The following EFNA5 variants were observed in gnomAD, a reference collection of about 807,000 sequenced individuals.
The protein encoded by EFNA5 is ephrin-A5.
In EFNA5, 5 loss-of-function variants were observed where a neutral mutation model predicts 22.9. That is an observed-to-expected ratio of 0.22 (90% CI 0.11 to 0.46). The LOEUF is 0.46. Ranked by LOEUF, EFNA5 falls within the 20% of genes least tolerant of loss-of-function variation. EFNA5 has a pLI of 0.99. For missense variants in EFNA5, 237 were observed against 293.3 expected (o/e 0.81, Z 1.40); for synonymous variants, 113 against 112.2 (o/e 1.01, Z -0.04).
rs1482999993 is a variant in EFNA5 at position 107,647,495 on chromosome 5, GCT to G, written c.125+22992_125+22993del. Among the ~76,000 whole-genome samples the G allele has an allele frequency of 4.6e-5, 7 of 152,172 alleles. 1 individual carries two copies. The highest frequency in any genetic ancestry group is 1.7e-4 in the African/African-American group (7 of 41,538). ...ATTAGTAAAACAGACCTACTTTAAT[GCT>G]CATTCTGATAATCAAAAAATTTAAG... On this transcript the variant is annotated intron_variant, in intron 1 of 4. Transcript: ENST00000333274.
intron 1 of EFNA5, among the ~76,000 whole-genome samples, chr5:107,512,049 C>G (rs1392405253): frequency 1.3e-5 from 2 of 152,218 alleles, no homozygotes; most frequent in Non-Finnish European, 2.9e-5. Context: ...ATGATGCTAT[C>G]TGTGGCTCCT....
chr5:107,670,515 A>T lies in EFNA5; in HGVS notation c.99T>A (p.Ala33=). The stretch of plus-strand genomic sequence containing the variant: ...TGGGGTTGCTGCTGTTCCAGTAGAC[A>T]GCGTAGCGGTCGGCGACGGCCTTGG... ...PGSKAVADRY[A]VYWNSSNPRF... Residue 33 remains alanine (A), a synonymous_variant, in exon 1 of 5, where the codon GCT becomes GCA. Coordinates refer to ENST00000333274, the MANE Select transcript of EFNA5 (RefSeq NM_001962.3). 1.3e-6 allele frequency: 2 copies of T among 1,576,146 alleles called. No homozygotes were observed. Among genetic ancestry groups the T allele is most frequent in the Non-Finnish European group, 1.7e-6 (2 of 1,159,880 alleles).
intron 1 of EFNA5, among the ~76,000 whole-genome samples, chr5:107,623,291 A>G (rs1368001064): frequency 6.6e-6 from 1 of 152,144 alleles, no homozygotes; most frequent in Non-Finnish European, 1.5e-5. Flanking sequence ...CTTCTTATTA[A>G]GAGTTTGCAT....
At chr5:107,670,371 A>T in intron 1 of EFNA5, 118 bp downstream of exon 1, 3 of 1,302,980 alleles carry the variant, frequency 2.3e-6, no homozygotes, top group Non-Finnish European at 3.0e-6. Flanking sequence ...CGCCCGGGCG[A>T]CGCAGGCTCC....
At chr5:107,574,969 G>A (rs1748896621) in intron 1 of EFNA5, among the ~76,000 whole-genome samples, 1 of 152,158 alleles carries the variant, frequency 6.6e-6, no homozygotes, top group South Asian at 2.1e-4. Context: ...AGATGCTGAA[G>A]GACACCCCTG....
intron 1 of EFNA5, among the ~76,000 whole-genome samples, chr5:107,581,941 A>G (rs1174809383): frequency 3.3e-5 from 5 of 152,218 alleles, no homozygotes; most frequent in Non-Finnish European, 5.9e-5. Context: ...CAAAGAAGTA[A>G]AAGAAAATCA....
intron 1 of EFNA5, among the ~76,000 whole-genome samples, chr5:107,605,160 G>A (rs1225224394): frequency 2.1e-5 from 3 of 144,658 alleles, no homozygotes; most frequent in East Asian, 2.3e-4. Context: ...GATGGGGGGG[G>A]AAGCAGAGCT....
At position 107,377,672 on chromosome 5, in the gene EFNA5, CTGAT is replaced by C. The variant is rs202185148; in HGVS notation, c.*3579_*3582del. The C allele has an allele frequency of 3.9e-5, 6 of 152,268 alleles. No homozygotes were observed. The East Asian group carries it at 1.2e-3, about 29-fold the overall frequency. 9.4% of individuals were successfully genotyped at this position (152,268 alleles called of 1,614,324 possible). ...AACAGCCCCATTTAAGCTTCCTACA[CTGAT>C]TGGTTTGCAACCATTTCCATGAGTG... On this transcript the variant is annotated 3_prime_UTR_variant, in exon 5 of 5. Transcript: ENST00000333274.
chr5:107,490,218 C>T (rs980814271), intron 1 of EFNA5, among the ~76,000 whole-genome samples: 1 of 150,248 alleles, frequency 6.7e-6, no homozygotes, highest in East Asian at 1.9e-4. Flanking sequence ...AGTTGGTAAC[C>T]AGTGCATAGT....
chr5:107,542,432 C>A (rs940701893), intron 1 of EFNA5, among the ~76,000 whole-genome samples: 1 of 152,056 alleles, frequency 6.6e-6, no homozygotes, highest in Non-Finnish European at 1.5e-5. Context: ...TATTCAGGGT[C>A]TGTTCTTTGA....
chr5:107,571,039 T>C (rs1318175873), intron 1 of EFNA5, among the ~76,000 whole-genome samples: 2 of 152,148 alleles, frequency 1.3e-5, no homozygotes. Flanking sequence ...CTCTCTTCTC[T>C]CTCTCTCTCA....
intron 1 of EFNA5, among the ~76,000 whole-genome samples, chr5:107,523,092 G>A (rs879570701): frequency 1.3e-4 from 20 of 151,772 alleles, no homozygotes; most frequent in East Asian, 5.8e-4. Flanking sequence ...CTGTTTTTTC[G>A]TTTGTTTGTT....
chr5:107,518,012 A>T (rs1018209373), intron 1 of EFNA5, among the ~76,000 whole-genome samples: 1 of 152,154 alleles, frequency 6.6e-6, no homozygotes, highest in African/African-American at 2.4e-5. Flanking sequence ...CAGGATTAAA[A>T]GCTTTTTAAT....
intron 1 of EFNA5, among the ~76,000 whole-genome samples, chr5:107,592,073 AAT>A (rs1237613064): frequency 0.031 from 2,589 of 84,774 alleles, 613 homozygotes; most frequent in African/African-American, 0.12. Context: ...TTATAATAAT[AAT>A]AAATTATTAA....
At chr5:107,570,696 G>C (rs1748783872) in intron 1 of EFNA5, among the ~76,000 whole-genome samples, 5 of 152,114 alleles carry the variant, frequency 3.3e-5, no homozygotes, top group African/African-American at 1.2e-4. Context: ...AGTAGAAAAA[G>C]AGGACAGCAA....
In EFNA5 at chr5:107,379,848, T is replaced by C. The variant is rs898174659; in HGVS notation, c.*1407A>G. On this transcript the variant is annotated 3_prime_UTR_variant, in exon 5 of 5. Transcript: ENST00000333274. Reference sequence around the variant, plus strand: ...CACAAGTTTAAATAGGACAAGCATATATACTCACTCTCAGCATAAAGTATA... The same window carrying C: ...CACAAGTTTAAATAGGACAAGCATACATACTCACTCTCAGCATAAAGTATA... 6.6e-6 allele frequency: 1 copy of C among 152,082 alleles called. No individual in the cohort carries two copies. Among genetic ancestry groups the C allele is most frequent in the African/African-American group, 2.4e-5 (1 of 41,396 alleles). The allele number at this position is 152,082 out of a possible 1,614,324, so 9.4% of individuals were successfully genotyped here.
chr5:107,632,922 A>G (rs1033570886), intron 1 of EFNA5, among the ~76,000 whole-genome samples: 1 of 152,240 alleles, frequency 6.6e-6, no homozygotes, highest in Non-Finnish European at 1.5e-5. Context: ...GCATTGTAGA[A>G]TTCACCTTAT....
At chr5:107,529,639 T>A (rs996594947) in intron 1 of EFNA5, among the ~76,000 whole-genome samples, 1 of 152,242 alleles carries the variant, frequency 6.6e-6, no homozygotes, top group Non-Finnish European at 1.5e-5. Context: ...CCATTCCACA[T>A]GATCAAGTGA....
intron 1 of EFNA5, among the ~76,000 whole-genome samples, chr5:107,608,834 C>G (rs1243457042): frequency 2.0e-5 from 3 of 152,192 alleles, no homozygotes; most frequent in Admixed American, 2.0e-4. Flanking sequence ...ATTCCAGAAG[C>G]TGAATAAAGA....
Sources: allele counts gnomAD v4.1 joint callset (sites outside exome capture counted in the v4.1 genomes callset), GRCh38; gene constraint gnomAD v4.1.1; transcripts MANE v1.5; gene names NCBI Gene and HGNC (gene_info 2026-07-23, HGNC 2026-07-21).